Variants in INSC observed in about 807,000 individuals in gnomAD.
The protein encoded by INSC is INSC spindle orientation adaptor protein, also known as protein inscuteable homolog.
In INSC, 67 loss-of-function variants were observed where a neutral mutation model predicts 58.6. The observed-to-expected ratio is 1.14, with a 90% CI of 0.94 to 1.40. The LOEUF (loss-of-function observed/expected upper bound fraction) is 1.40. Ranked by LOEUF, INSC falls within the 40% of genes most tolerant of loss-of-function variation. The pLI is 0.00. For missense variants in INSC, 714 were observed against 692.0 expected (o/e 1.03, Z -0.36); for synonymous variants, 262 against 276.1 (o/e 0.95, Z 0.51).
chr11:15,151,170 A>G (rs2133754379), intron 2 of INSC, among the ~76,000 whole-genome samples: 1 of 152,276 alleles, frequency 6.6e-6, no homozygotes, highest in African/African-American at 2.4e-5. Context: ...AGCAAGCATT[A>G]CTGCCTGAGC....
At chr11:15,168,259 G>A (rs57066707) in intron 2 of INSC, among the ~76,000 whole-genome samples, 4,913 of 152,142 alleles carry the variant, frequency 0.032, 246 homozygotes, top group African/African-American at 0.11. Flanking sequence ...TTATCTTGAT[G>A]CTCTCCCTCC....
intron 1 of INSC, among the ~76,000 whole-genome samples, chr11:15,116,180 C>T (rs1367016723): frequency 6.6e-6 from 1 of 152,176 alleles, no homozygotes; most frequent in Non-Finnish European, 1.5e-5. Flanking sequence ...CAAACACTGC[C>T]TTTGGAAGGC....
At chr11:15,217,275 C>T (rs548137582) in intron 7 of INSC, among the ~76,000 whole-genome samples, 74 of 152,226 alleles carry the variant, frequency 4.9e-4, no homozygotes, top group African/African-American at 1.6e-3. Context: ...TCAGATCTCA[C>T]GAGAAATCAC....
the INSC span, among the ~76,000 whole-genome samples, chr11:15,255,847 A>G: frequency 1.3e-5 from 2 of 152,136 alleles, no homozygotes; most frequent in East Asian, 3.9e-4. Context: ...AGGGGTCTAT[A>G]AAGGGATAAT....
At chr11:15,115,057 GC>G in intron 1 of INSC, 54 bp downstream of exon 1, 1 of 968,570 alleles carries the variant, frequency 1.0e-6, no homozygotes, top group Non-Finnish European at 1.2e-6. Flanking sequence ...GCCTCTGCTA[GC>G]CTAGTTGGGA....
At chr11:15,217,177 G>T (rs1484611132) in intron 7 of INSC, among the ~76,000 whole-genome samples, 2 of 152,196 alleles carry the variant, frequency 1.3e-5, no homozygotes, top group African/African-American at 4.8e-5. Flanking sequence ...CAATCATGGT[G>T]GAAGGGGAAG....
At chr11:15,160,391 G>A (rs144672763) in intron 2 of INSC, among the ~76,000 whole-genome samples, 167 of 152,262 alleles carry the variant, frequency 1.1e-3, no homozygotes, top group African/African-American at 4.0e-3. Flanking sequence ...TTGGAAATAA[G>A]GGGGCAATGA....
intron 1 of INSC, among the ~76,000 whole-genome samples, chr11:15,124,150 C>T (rs1312175015): frequency 1.3e-5 from 2 of 152,192 alleles, no homozygotes; most frequent in Non-Finnish European, 2.9e-5. Context: ...GGATTTATAG[C>T]AGGACTCAAG....
chr11:15,181,332 G>C (rs1849770208), intron 5 of INSC, among the ~76,000 whole-genome samples: 1 of 152,216 alleles, frequency 6.6e-6, no homozygotes, highest in African/African-American at 2.4e-5. Flanking sequence ...TGAGATGCTG[G>C]TGTTTTAGGA....
rs192185656 is a variant in INSC at position 15,144,214 on chromosome 11, C to G, written c.-45-4916C>G. Among the ~76,000 whole-genome samples, 84 of 152,290 alleles carry G rather than the reference C, an allele frequency of 5.5e-4. No homozygotes were observed. The East Asian group carries it at 0.013, about 23-fold the overall frequency. On this transcript the variant is annotated intron_variant, in intron 1 of 12. Coordinates refer to ENST00000379556, the MANE Select transcript of INSC (RefSeq NM_001042536.3). ...ATTTCTCAAATGTAGGAAATGGGTT[C>G]ATATGTTAGAGGCCAGAAAGAAAGA...
chr11:15,132,743 G>C (rs191069820), intron 1 of INSC, among the ~76,000 whole-genome samples: 148 of 152,188 alleles, frequency 9.7e-4, no homozygotes, highest in African/African-American at 3.5e-3. Flanking sequence ...TGGGATTTTT[G>C]GTTGTCTGAG....
intron 1 of INSC, among the ~76,000 whole-genome samples, chr11:15,139,371 C>T (rs2133722464): frequency 6.6e-6 from 1 of 152,328 alleles, no homozygotes; most frequent in East Asian, 1.9e-4. Context: ...AGAGGTCTCT[C>T]ACTTTTGCAA....
chr11:15,151,385 C>T (rs1284981927), intron 2 of INSC, among the ~76,000 whole-genome samples: 1 of 152,158 alleles, frequency 6.6e-6, no homozygotes, highest in Non-Finnish European at 1.5e-5. Flanking sequence ...AGGTTAGGGA[C>T]TGCTGGTATA....
At chr11:15,118,460 T>C (rs749011514) in intron 1 of INSC, among the ~76,000 whole-genome samples, 1 of 152,188 alleles carries the variant, frequency 6.6e-6, no homozygotes, top group Non-Finnish European at 1.5e-5. Context: ...CTTTCAGGCA[T>C]TGCATTGAGG....
chr11:15,150,638 C>T (rs922090440), intron 2 of INSC, among the ~76,000 whole-genome samples: 6 of 152,120 alleles, frequency 3.9e-5, no homozygotes, highest in African/African-American at 9.7e-5. Flanking sequence ...GATTCCTAGG[C>T]GAGAGTAGAG....
In INSC at chr11:15,202,085, T is replaced by A. The variant is rs4756799; in HGVS notation, c.819+1136T>A. Among the ~76,000 whole-genome samples, 1,983 of 152,282 alleles carry A rather than the reference T, an allele frequency of 0.013. 104 individuals carry two copies. The East Asian group carries it at 0.14, about 11-fold the overall frequency. On this transcript the variant is annotated intron_variant, in intron 7 of 12. Transcript: ENST00000379556. ...GAATGTGGATAGGGAATCTGCTCATTTTACAGATGACAAGGCTATGGGTCA... is the reference window on the plus strand; with the variant it reads ...GAATGTGGATAGGGAATCTGCTCATATTACAGATGACAAGGCTATGGGTCA...
chr11:15,190,783 AG>A lies in INSC; in HGVS notation c.667del (p.Ala223LeufsTer7). The A allele has an allele frequency of 2.5e-6, 4 of 1,613,796 alleles. No homozygotes were observed. Among genetic ancestry groups the A allele is most frequent in the South Asian group, 1.1e-5 (1 of 91,072 alleles). On this transcript the variant is annotated frameshift_variant, in exon 6 of 13. Coordinates refer to ENST00000379556, the MANE Select transcript of INSC (RefSeq NM_001042536.3). LOFTEE classifies it high-confidence loss of function. ...GGGAACCTGTTCAGCCTGACCCAGG[AG>A]GGGGCTCCCTTGTGCCGCATCATAG... is the stretch of plus-strand genomic sequence containing the variant. ...TTGNLFSLTQ[E>X]GAPLCRIIAK...
At chr11:15,252,741 C>G in the INSC span, among the ~76,000 whole-genome samples, 1 of 152,176 alleles carries the variant, frequency 6.6e-6, no homozygotes, top group African/African-American at 2.4e-5. Context: ...GAATGAAACT[C>G]CACTGCTTGA....
intron 5 of INSC, among the ~76,000 whole-genome samples, chr11:15,181,088 A>C (rs541326703): frequency 1.3e-5 from 2 of 152,304 alleles, no homozygotes; most frequent in South Asian, 4.1e-4. Flanking sequence ...TTTACATCAA[A>C]ATTTGTCTTA....
Sources: allele counts gnomAD v4.1 joint callset (sites outside exome capture counted in the v4.1 genomes callset), GRCh38; gene constraint gnomAD v4.1.1; transcripts MANE v1.5; gene names NCBI Gene and HGNC (gene_info 2026-07-23, HGNC 2026-07-21).